MFAP4: variants seen among roughly 807,000 people sequenced by gnomAD.
The protein encoded by MFAP4 is microfibril associated protein 4.
MFAP4 carries 20 observed loss-of-function variants against 32.4 expected under a neutral mutation model. The ratio of observed to expected loss-of-function variants is 0.62; its 90% confidence interval spans 0.43 to 0.90. The LOEUF is 0.90. MFAP4 is among the 40% of genes least tolerant of loss of function. MFAP4 has a pLI of 0.00. For missense variants in MFAP4, 267 were observed against 329.5 expected (o/e 0.81, Z 1.47); for synonymous variants, 146 against 137.4 (o/e 1.06, Z -0.44).
At chr17:19,385,844 C>T (rs866328925) in intron 3 of MFAP4, among the ~76,000 whole-genome samples, 2 of 152,206 alleles carry the variant, frequency 1.3e-5, no homozygotes, top group Non-Finnish European at 2.9e-5. Flanking sequence ...CTCAGCTGGG[C>T]GCGGTGGCTC....
At chr17:19,384,747 G>A (rs1310557635) in intron 5 of MFAP4, 38 bp from the exon 6 acceptor site, 1 of 1,609,944 alleles carries the variant, frequency 6.2e-7, no homozygotes, top group East Asian at 2.2e-5. Context: ...GCTGAGGCAG[G>A]GAACTGAGCC....
Position 19,386,775 on chromosome 17 carries a change from C to G in MFAP4, c.70G>C (p.Gly24Arg). Residue 24 changes from glycine (G) to arginine (R), a missense_variant, in exon 2 of 6, where the codon GGG (glycine) becomes CGG (arginine). By Grantham distance (125) the Gly-to-Arg change is moderately radical. This residue lies in a region of MFAP4 where 223 missense variants were observed against 253.3 expected (regional missense o/e 0.88). Transcript: ENST00000299610. ...GGCTGCTTACCATCTCCTCGGATCC[C>G]GGAGACCTGGGGGGCACACGGGGGC... is the stretch of plus-strand genomic sequence containing the variant. Reference protein sequence around the residue: ...STPPCAPQVSGIRGDALERFC... With the variant: ...STPPCAPQVSRIRGDALERFC... The G allele has an allele frequency of 6.3e-7, 1 of 1,574,904 alleles. No individual in the cohort carries two copies. Among genetic ancestry groups the G allele is most frequent in the Non-Finnish European group, 8.6e-7 (1 of 1,160,178 alleles).
intron 1 of MFAP4, 134 bp from the exon 2 acceptor site, chr17:19,386,972 T>TGCCGGGGCCCCC: frequency 1.1e-6 from 1 of 937,014 alleles, no homozygotes; most frequent in Non-Finnish European, 1.7e-6. Context: ...TGGCCCCTCT[T>TGCCGGGGCCCCC]CCCTGCCCCC....
At position 19,384,421 on chromosome 17, in the gene MFAP4, G is replaced by A. The variant is rs1423913575; in HGVS notation, c.*41C>T. 1 of 1,544,998 alleles carries A rather than the reference G, an allele frequency of 6.5e-7. No individual in the cohort carries two copies. Among genetic ancestry groups the A allele is most frequent in the Admixed American group, 2.0e-5 (1 of 50,964 alleles). ...CAGAGGGAGCACTCATGGAGACCATGGGTGTCCAGGGGAGGAAAGGTGCCT... is the reference window on the plus strand; with the variant it reads ...CAGAGGGAGCACTCATGGAGACCATAGGTGTCCAGGGGAGGAAAGGTGCCT... On this transcript the variant is annotated 3_prime_UTR_variant, in exon 6 of 6. Transcript: ENST00000299610.
Position 19,386,576 on chromosome 17 carries a change from A to T in MFAP4, c.86-112T>A, listed in dbSNP as rs1001019393. The T allele has an allele frequency of 5.3e-6, 7 of 1,326,210 alleles. No homozygotes were observed. In the East Asian group the frequency reaches 1.7e-4, roughly 32 times the overall value. 82.2% of individuals were successfully genotyped at this position (1,326,210 alleles called of 1,614,324 possible). A position where few individuals can be genotyped will look rare whatever the true frequency, so the allele number is the denominator to read the frequency against. On this transcript the variant is annotated intron_variant, in intron 2 of 5. Coordinates refer to ENST00000299610, the MANE Select transcript of MFAP4 (RefSeq NM_002404.3). ...GGGGCTGGGGGACTTTGACACAAGGAGTCATGGAAGATTTCTTCAAGGGAG... is the reference window on the plus strand; with the variant it reads ...GGGGCTGGGGGACTTTGACACAAGGTGTCATGGAAGATTTCTTCAAGGGAG...
At chr17:19,386,239 A>C in intron 3 of MFAP4, 71 bp downstream of exon 3, 2 of 1,374,004 alleles carry the variant, frequency 1.5e-6, no homozygotes, top group South Asian at 2.9e-5. Flanking sequence ...TGAGGTTCGC[A>C]TATGTGAAGC....
Position 19,384,652 on chromosome 17 carries a change from T to C in MFAP4, c.578A>G (p.Asp193Gly). 1 of 1,613,968 alleles carries C rather than the reference T, an allele frequency of 6.2e-7. No homozygotes were observed. The highest frequency in any genetic ancestry group is 8.5e-7 in the Non-Finnish European group (1 of 1,179,986). Reference protein sequence around the residue: ...QKFSTFDRDQDLFVQNCAALS... With the variant: ...QKFSTFDRDQGLFVQNCAALS... ...AGCTGCGCAGTTCTGCACAAAGAGG[T>C]CCTGGTCCCGGTCGAAGGTAGAGAA... is the stretch of plus-strand genomic sequence containing the variant. The change falls in exon 6 of 6, where the codon GAC becomes GGC. Residue 193 changes from aspartate to glycine, a missense_variant. Asp to Gly is a moderately conservative substitution (Grantham distance 94). Around this residue, in one of 3 missense-constraint regions of MFAP4, gnomAD observed 223 missense variants for 253.3 expected, o/e 0.88. Transcript: ENST00000299610.
At chr17:19,385,027 G>A in intron 5 of MFAP4, 72 bp downstream of exon 5, 1 of 1,535,832 alleles carries the variant, frequency 6.5e-7, no homozygotes, top group Non-Finnish European at 8.8e-7. Flanking sequence ...AGGAGGTTGG[G>A]GCTGACTGGG....
Position 19,384,075 on chromosome 17 carries a change from G to A in MFAP4, c.*387C>T. ...TTAGCACACTAGGGTGGCCCAGACA[G>A]GGGTCCACAGTGAGGAAGCAGGACA... On this transcript the variant is annotated 3_prime_UTR_variant, in exon 6 of 6. Coordinates refer to ENST00000299610, the MANE Select transcript of MFAP4 (RefSeq NM_002404.3). 3.4e-6 allele frequency: 1 copy of A among 294,322 alleles called. No individual in the cohort carries two copies. Among genetic ancestry groups the A allele is most frequent in the South Asian group, 3.3e-5 (1 of 30,230 alleles). The allele number at this position is 294,322 out of a possible 1,614,324, so 18.2% of individuals were successfully genotyped here. A position where few individuals can be genotyped will look rare whatever the true frequency, so the allele number is the denominator to read the frequency against.
chr17:19,384,369 A>C lies in MFAP4; in HGVS notation c.*93T>G, dbSNP rs1046802657. 45 of 1,424,032 alleles carry C rather than the reference A, an allele frequency of 3.2e-5. No individual in the cohort carries two copies. Among genetic ancestry groups the C allele is most frequent in the Non-Finnish European group, 3.7e-5 (39 of 1,059,276 alleles). 88.2% of individuals were successfully genotyped at this position (1,424,032 alleles called of 1,614,324 possible). On this transcript the variant is annotated 3_prime_UTR_variant, in exon 6 of 6. Transcript: ENST00000299610. ...CCTTGTAAGGAGTTGGTGCTCGGGAATCAGCAGAAGCATGCATCAGGGGCA... is the reference window on the plus strand; with the variant it reads ...CCTTGTAAGGAGTTGGTGCTCGGGACTCAGCAGAAGCATGCATCAGGGGCA...
chr17:19,386,985 A>AACCCCCCCCCCTCTCC, intron 1 of MFAP4, 147 bp from the exon 2 acceptor site: 1 of 317,374 alleles, frequency 3.2e-6, no homozygotes, highest in Non-Finnish European at 6.1e-6. Flanking sequence ...CTGCCCCCCC[A>AACCCCCCCCCCTCTCC]CCCCGCCCGC....
rs1323820422 is a variant in MFAP4 at position 19,383,708 on chromosome 17, C to G, written c.*754G>C. On this transcript the variant is annotated 3_prime_UTR_variant, in exon 6 of 6. Coordinates refer to ENST00000299610, the MANE Select transcript of MFAP4 (RefSeq NM_002404.3). ...GAGACCTTCAGTCCCTACCCACTCC[C>G]AGCCCTGCAGAGATTGTCCTCTGCT... 1.3e-5 allele frequency: 2 copies of G among 153,600 alleles called. No individual in the cohort carries two copies. The highest frequency in any genetic ancestry group is 2.9e-5 in the Non-Finnish European group (2 of 69,070). The allele number at this position is 153,600 out of a possible 1,614,324, so 9.5% of individuals were successfully genotyped here. A position where few individuals can be genotyped will look rare whatever the true frequency, so the allele number is the denominator to read the frequency against.
chr17:19,386,915 A>G (rs1264182638), intron 1 of MFAP4, 77 bp from the exon 2 acceptor site: 3 of 1,470,844 alleles, frequency 2.0e-6, no homozygotes, highest in African/African-American at 2.8e-5. Context: ...ATTTGCCCCC[A>G]CCATGCATGC....
intron 1 of MFAP4, 93 bp downstream of exon 1, chr17:19,387,057 C>G: frequency 2.6e-6 from 4 of 1,521,438 alleles, no homozygotes; most frequent in Non-Finnish European, 3.6e-6. Context: ...CAAGAGAACT[C>G]CTTGTGCCTT....
chr17:19,384,274 G>A lies in MFAP4; in HGVS notation c.*188C>T, dbSNP rs189369571. 6.3e-5 allele frequency: 42 copies of A among 661,852 alleles called. No individual in the cohort carries two copies. The Admixed American group carries it at 8.3e-4, about 13-fold the overall frequency. 41.0% of individuals were successfully genotyped at this position (661,852 alleles called of 1,614,324 possible). A position where few individuals can be genotyped will look rare whatever the true frequency, so the allele number is the denominator to read the frequency against. On this transcript the variant is annotated 3_prime_UTR_variant, in exon 6 of 6. Coordinates refer to ENST00000299610, the MANE Select transcript of MFAP4 (RefSeq NM_002404.3). The stretch of plus-strand genomic sequence containing the variant: ...GTGTAACTTCAGGTGTAGGGGAGCC[G>A]GGTCTGGCTTAGGAATGGATGCCCT...
intron 5 of MFAP4, 45 bp downstream of exon 5, chr17:19,385,054 T>C: frequency 1.9e-6 from 3 of 1,589,008 alleles, no homozygotes; most frequent in Non-Finnish European, 2.6e-6. Context: ...CAGCCCTGCC[T>C]TCTTTCCCCT....
chr17:19,384,744 C>G, intron 5 of MFAP4, 35 bp from the exon 6 acceptor site: 2 of 1,611,320 alleles, frequency 1.2e-6, no homozygotes, highest in Non-Finnish European at 1.7e-6. Flanking sequence ...GCTGCTGAGG[C>G]AGGGAACTGA....
At chr17:19,386,980 C>T in intron 1 of MFAP4, 142 bp from the exon 2 acceptor site, 1 of 547,940 alleles carries the variant, frequency 1.8e-6, no homozygotes, top group Non-Finnish European at 3.3e-6. Flanking sequence ...CTTCCCTGCC[C>T]CCCCACCCCG....
Position 19,386,612 on chromosome 17 carries a change from C to T in MFAP4, c.85+148G>A, listed in dbSNP as rs373190975. 292 of 1,231,950 alleles carry T rather than the reference C, an allele frequency of 2.4e-4. 3 individuals carry two copies. In the South Asian group the frequency reaches 3.7e-3, roughly 15 times the overall value. The allele number at this position is 1,231,950 out of a possible 1,614,324, so 76.3% of individuals were successfully genotyped here. A position where few individuals can be genotyped will look rare whatever the true frequency, so the allele number is the denominator to read the frequency against. The stretch of plus-strand genomic sequence containing the variant: ...ATTTCTTCAAGGGAGATGAGCAATG[C>T]TTATGTCATCCATCTGCCCCATTTT... On this transcript the variant is annotated intron_variant, in intron 2 of 5. Coordinates refer to ENST00000299610, the MANE Select transcript of MFAP4 (RefSeq NM_002404.3).
Sources: gnomAD v4.1 joint callset for allele counts (sites outside exome capture counted in the v4.1 genomes callset) on GRCh38, gnomAD v4.1.1 for gene constraint, gnomAD v4.1.1 regional missense constraint, MANE v1.5 for transcripts, NCBI Gene and HGNC (gene_info 2026-07-23, HGNC 2026-07-21) for gene names.